DNAJC11: variants seen among roughly 807,000 people sequenced by gnomAD.
The protein encoded by DNAJC11 is dnaJ homolog subfamily C member 11.
Under a neutral mutation model 78.6 loss-of-function variants are expected in DNAJC11, and 15 were observed. The observed-to-expected ratio is 0.19, with a 90% CI of 0.13 to 0.29. The LOEUF (loss-of-function observed/expected upper bound fraction) is 0.29, where lower values mean the gene tolerates loss of function less well. Ranked by LOEUF, DNAJC11 falls within the 10% of genes least tolerant of loss-of-function variation. The probability of loss-of-function intolerance (pLI) is 1.00; values close to 1 mark genes in which losing one functional copy is unlikely to be tolerated. For synonymous variants in DNAJC11, 292 were observed against 272.1 expected (o/e 1.07, Z -0.72); for missense variants, 547 against 709.6 (o/e 0.77, Z 2.60).
At chr1:6,676,123 C>A (rs566908960) in intron 3 of DNAJC11, among the ~76,000 whole-genome samples, 6 of 152,140 alleles carry the variant, frequency 3.9e-5, no homozygotes, top group Non-Finnish European at 7.4e-5. Context: ...ACTGCTATTC[C>A]CATCAAGCCA....
intron 14 of DNAJC11, 94 bp downstream of exon 14, chr1:6,637,104 C>T: frequency 6.6e-7 from 1 of 1,523,904 alleles, no homozygotes; most frequent in Non-Finnish European, 8.9e-7. Context: ...CCCACCTTGG[C>T]CTTCCAAAGT....
chr1:6,680,674 G>A lies in DNAJC11; in HGVS notation c.202+234C>T, dbSNP rs534468313. 6.6e-6 allele frequency among the ~76,000 whole-genome samples: 1 copy of A among 152,284 alleles called. No homozygotes were observed. The highest frequency in any genetic ancestry group is 1.9e-4 in the East Asian group (1 of 5,184). On this transcript the variant is annotated intron_variant, in intron 2 of 15. Coordinates refer to ENST00000377577, the MANE Select transcript of DNAJC11 (RefSeq NM_018198.4). The surrounding 1 kb of genome is among the most constrained non-coding windows in gnomAD (Gnocchi z 4.0). ...AAAACTTGAGTATTCCCTTGCAATT[G>A]AGACTCTGTCTATTACCTCGCCCGG...
chr1:6,678,339 G>A (rs569730561), intron 3 of DNAJC11, 55 bp downstream of exon 3: 2 of 1,490,224 alleles, frequency 1.3e-6, no homozygotes. Flanking sequence ...TTGGGGAGAT[G>A]TTCTGTAACT....
rs560440198 is a variant in DNAJC11, at chr1:6,637,593, C to T, written c.1324-89G>A. On this transcript the variant is annotated intron_variant, in intron 12 of 15. Transcript: ENST00000377577. ...GGCCACAGGCAGGCAGTCTTGTCCACGTCAACATACTTGCTCAGGGCCTGG... is the reference window on the plus strand; with the variant it reads ...GGCCACAGGCAGGCAGTCTTGTCCATGTCAACATACTTGCTCAGGGCCTGG... 5.5e-5 allele frequency: 79 copies of T among 1,431,888 alleles called. No individual in the cohort carries two copies. The African/African-American group carries it at 9.3e-4, about 17-fold the overall frequency. The allele number at this position is 1,431,888 out of a possible 1,614,324, so 88.7% of individuals were successfully genotyped here. A position where few individuals can be genotyped will look rare whatever the true frequency, so the allele number is the denominator to read the frequency against.
chr1:6,661,732 C>A (rs557870446), intron 4 of DNAJC11, among the ~76,000 whole-genome samples: 1 of 152,130 alleles, frequency 6.6e-6, no homozygotes, highest in East Asian at 1.9e-4. Context: ...GCCCCATCAT[C>A]CTCTCAGCCA....
At chr1:6,639,860 C>T (rs1641846756) in intron 11 of DNAJC11, 42 bp downstream of exon 11, 1 of 1,585,826 alleles carries the variant, frequency 6.3e-7, no homozygotes, top group Non-Finnish European at 8.6e-7. Context: ...GAAACTGAGG[C>T]ACAGGGCTGG....
chr1:6,697,397 T>A (rs1242409510), intron 1 of DNAJC11, among the ~76,000 whole-genome samples: 1 of 152,202 alleles, frequency 6.6e-6, no homozygotes, highest in Non-Finnish European at 1.5e-5. Context: ...GGGAGTGGAA[T>A]GAAACTGTTC....
chr1:6,666,721 G>T (rs574538078), intron 4 of DNAJC11, among the ~76,000 whole-genome samples: 7 of 152,226 alleles, frequency 4.6e-5, no homozygotes, highest in African/African-American at 1.7e-4. Flanking sequence ...CCTTTACAAG[G>T]TTTAAAGAAA....
At chr1:6,646,717 A>C (rs1641971932) in intron 7 of DNAJC11, among the ~76,000 whole-genome samples, 1 of 152,116 alleles carries the variant, frequency 6.6e-6, no homozygotes, top group African/African-American at 2.4e-5. Flanking sequence ...GAAAAGAGGT[A>C]TTTCATTTTA....
At chr1:6,644,221 G>A (rs1014469783) in intron 10 of DNAJC11, among the ~76,000 whole-genome samples, 4 of 151,854 alleles carry the variant, frequency 2.6e-5, no homozygotes, top group South Asian at 2.1e-4. Flanking sequence ...TGCAACCTCC[G>A]CCTTCGGGTT....
rs566963957 is a variant in DNAJC11, at chr1:6,662,539, A to G, written c.378+5170T>C. Among the ~76,000 whole-genome samples, 12 of 152,234 alleles carry G rather than the reference A, an allele frequency of 7.9e-5. No individual in the cohort carries two copies. The South Asian group carries it at 1.2e-3, about 16-fold the overall frequency. ...CTTTTCTGTCTTACAAATGTTACCAATCAGCACTCTGTAAAAACGCACCAA... is the reference window on the plus strand; with the variant it reads ...CTTTTCTGTCTTACAAATGTTACCAGTCAGCACTCTGTAAAAACGCACCAA... On this transcript the variant is annotated intron_variant, in intron 4 of 15. Transcript: ENST00000377577.
At position 6,645,018 on chromosome 1, in the gene DNAJC11, A is replaced by G. The variant is rs771151425; in HGVS notation, c.980+23T>C. The G allele has an allele frequency of 1.2e-6, 2 of 1,610,936 alleles. No homozygotes were observed. The highest frequency in any genetic ancestry group is 1.3e-5 in the African/African-American group (1 of 74,986). ...CCGCATGCAGTACCAGTGTGCTTCC[A>G]TTTTAGCCAGGCCAGGACTTACTTG... On this transcript the variant is annotated intron_variant, in intron 9 of 15. Coordinates refer to ENST00000377577, the MANE Select transcript of DNAJC11 (RefSeq NM_018198.4). The surrounding 1 kb of genome is among the most constrained non-coding windows in gnomAD (Gnocchi z 4.1).
At position 6,645,510 on chromosome 1, in the gene DNAJC11, C is replaced by T. The variant is rs1034367578; in HGVS notation, c.894+279G>A. Among the ~76,000 whole-genome samples, 3 of 152,174 alleles carry T rather than the reference C, an allele frequency of 2.0e-5. No individual in the cohort carries two copies. Among genetic ancestry groups the T allele is most frequent in the Admixed American group, 6.5e-5 (1 of 15,278 alleles). On this transcript the variant is annotated intron_variant, in intron 8 of 15. Transcript: ENST00000377577. The surrounding 1 kb of genome is among the most constrained non-coding windows in gnomAD (Gnocchi z 4.1). ...TGCTATGGGGCTTCATCTGCCCGCC[C>T]CCAATTCCGTGGGTGGCTCCCACCA...
intron 7 of DNAJC11, among the ~76,000 whole-genome samples, chr1:6,647,833 C>CA (rs1361373177): frequency 6.6e-6 from 1 of 151,698 alleles, no homozygotes. Context: ...ACAAAACAAA[C>CA]AAAAAAAAGA....
chr1:6,649,150 G>A lies in DNAJC11; in HGVS notation c.704+2379C>T, dbSNP rs560688456. On this transcript the variant is annotated intron_variant, in intron 7 of 15. Transcript: ENST00000377577. ...TGGGATTGCAGGTGTGAGTCACATC[G>A]GCTCCTTTTCCTCTTCTTGTGTCTG... Among the ~76,000 whole-genome samples, 74 of 151,988 alleles carry A rather than the reference G, an allele frequency of 4.9e-4. 1 individual carries two copies. The South Asian group carries it at 0.015, about 30-fold the overall frequency.
intron 13 of DNAJC11, 50 bp downstream of exon 13, chr1:6,637,397 T>G (rs1641797893): frequency 1.2e-6 from 2 of 1,614,026 alleles, no homozygotes; most frequent in East Asian, 2.2e-5. Context: ...TTGTGTGGCT[T>G]AGAGACCCCC....
At chr1:6,695,807 C>CA (rs113743903) in intron 1 of DNAJC11, among the ~76,000 whole-genome samples, 1,889 of 119,484 alleles carry the variant, frequency 0.016, 30 homozygotes, top group African/African-American at 0.039. Context: ...GACTCCATCT[C>CA]AAAAAAAAAA....
At position 6,645,442 on chromosome 1, in the gene DNAJC11, A is replaced by T. The variant is rs886283367; in HGVS notation, c.895-316T>A. 6.6e-6 allele frequency among the ~76,000 whole-genome samples: 1 copy of T among 152,184 alleles called. No individual in the cohort carries two copies. Among genetic ancestry groups the T allele is most frequent in the Non-Finnish European group, 1.5e-5 (1 of 68,024 alleles). ...GTGGCCCGTGTGGGGCTTCTCATGT[A>T]CCAGCCCTGGTGTGGCCACAGGGGC... On this transcript the variant is annotated intron_variant, in intron 8 of 15. Transcript: ENST00000377577. This position sits in a 1 kb window ranked among gnomAD's most constrained non-coding sequence, Gnocchi z 4.1.
At chr1:6,677,532 T>C (rs962379580) in intron 3 of DNAJC11, among the ~76,000 whole-genome samples, 4 of 152,200 alleles carry the variant, frequency 2.6e-5, no homozygotes, top group African/African-American at 9.7e-5. Flanking sequence ...CCTGGCCTCA[T>C]GTGATCCTCC....
Sources: allele counts gnomAD v4.1 joint callset (sites outside exome capture counted in the v4.1 genomes callset), GRCh38; gene constraint gnomAD v4.1.1; non-coding constraint Gnocchi (gnomAD v3.1); transcripts MANE v1.5; gene names NCBI Gene and HGNC (gene_info 2026-07-23, HGNC 2026-07-21).